The following MPDZ variants were observed in gnomAD, a reference collection of about 807,000 sequenced individuals.
The protein encoded by MPDZ is multiple PDZ domain crumbs cell polarity complex component, also known as multiple PDZ domain protein.
Under a neutral mutation model 239.1 loss-of-function variants are expected in MPDZ, and 234 were observed. The observed-to-expected ratio is 0.98, with a 90% CI of 0.88 to 1.09. The LOEUF is 1.09. Ranked by LOEUF, MPDZ falls within the 50% of genes least tolerant of loss-of-function variation. MPDZ has a pLI of 0.00. For synonymous variants in MPDZ, 1,048 were observed against 881.3 expected, an observed-to-expected ratio of 1.19 and a Z score of -3.35; for missense variants, 3,175 against 2,510.0, an observed-to-expected ratio of 1.26 and a Z score of -5.66.
chr9:13,208,461 T>TAA (rs1244672207), intron 10 of MPDZ, among the ~76,000 whole-genome samples: 1 of 136,582 alleles, frequency 7.3e-6, no homozygotes, highest in African/African-American at 2.7e-5. Context: ...AAATAAATAT[T>TAA]AAAAAAAAAA....
Position 13,175,997 on chromosome 9 carries a change from A to G in MPDZ, c.2932-122T>C, listed in dbSNP as rs1016826033. On this transcript the variant is annotated intron_variant, in intron 20 of 46. Transcript: ENST00000319217. ...CTTTATTTTGCAAGAACCTGCAACC[A>G]AAACAAGTTCATAGGTTGCCTTCTG... 3.5e-6 allele frequency: 5 copies of G among 1,415,770 alleles called. No individual in the cohort carries two copies. The Admixed American group carries it at 1.1e-4, about 31-fold the overall frequency. 87.7% of individuals were successfully genotyped at this position (1,415,770 alleles called of 1,614,324 possible).
intron 3 of MPDZ, among the ~76,000 whole-genome samples, chr9:13,239,730 A>AT (rs1299518120): frequency 2.0e-5 from 3 of 152,156 alleles, no homozygotes; most frequent in Admixed American, 2.0e-4. Context: ...GTATTTAAAG[A>AT]TGAATATGGC....
intron 21 of MPDZ, among the ~76,000 whole-genome samples, chr9:13,173,373 C>A (rs957373286): frequency 6.6e-6 from 1 of 152,046 alleles, no homozygotes; most frequent in Non-Finnish European, 1.5e-5. Context: ...TGAAGAAATG[C>A]TTTGACAAAA....
At chr9:13,213,582 G>A (rs76065022) in intron 10 of MPDZ, among the ~76,000 whole-genome samples, 273 of 152,100 alleles carry the variant, frequency 1.8e-3, no homozygotes, top group Non-Finnish European at 3.0e-3. Context: ...ATGTTCAAAA[G>A]CATTGCATGA....
chr9:13,243,015 T>A (rs1427677117), intron 3 of MPDZ, among the ~76,000 whole-genome samples: 1 of 152,174 alleles, frequency 6.6e-6, no homozygotes, highest in Non-Finnish European at 1.5e-5. Flanking sequence ...CTGTAAACAT[T>A]GCTCTCTCTA....
intron 17 of MPDZ, among the ~76,000 whole-genome samples, chr9:13,186,838 G>A (rs1044423049): frequency 8.5e-5 from 13 of 152,050 alleles, no homozygotes; most frequent in African/African-American, 1.2e-4. Context: ...ATCAACTTCT[G>A]TCATCCCTTA....
intron 3 of MPDZ, among the ~76,000 whole-genome samples, chr9:13,232,787 G>T (rs895245097): frequency 1.4e-5 from 2 of 145,054 alleles, no homozygotes; most frequent in Non-Finnish European, 3.0e-5. Context: ...ATCCAGCAAA[G>T]AAGTTGTATT....
Position 13,126,678 on chromosome 9 carries a change from A to T in MPDZ, c.4557+2T>A. 10 of 1,613,438 alleles carry T rather than the reference A, an allele frequency of 6.2e-6. No homozygotes were observed. Among genetic ancestry groups the T allele is most frequent in the Non-Finnish European group, 8.5e-6 (10 of 1,179,480 alleles). On this transcript the variant is annotated splice_donor_variant, in intron 33 of 46. Transcript: ENST00000319217. LOFTEE classifies it high-confidence loss of function. ...AATGACAGCAAGAAAGGTAAACCTC[A>T]CCGTGGCTGCTACCCCATGCTCTGT...
chr9:13,126,598 G>T lies in MPDZ; in HGVS notation c.4558-8C>A, dbSNP rs77381767. ...GACTTTGAGTCGTCCATCCTAAATGGAAACGTAGAAGAATTTGAGTGATAT... is the reference window on the plus strand; with the variant it reads ...GACTTTGAGTCGTCCATCCTAAATGTAAACGTAGAAGAATTTGAGTGATAT... On this transcript the variant is annotated splice_polypyrimidine_tract_variant and splice_region_variant and intron_variant, in intron 33 of 46. Transcript: ENST00000319217. 8.9e-4 allele frequency: 1,430 copies of T among 1,607,520 alleles called. 11 individuals carry two copies. In the African/African-American group the frequency reaches 0.016, roughly 19 times the overall value.
At chr9:13,276,583 G>GTCCTAAATTCAC (rs1385529020) in intron 1 of MPDZ, 1 of 152,162 alleles carries the variant, frequency 6.6e-6, no homozygotes, top group Non-Finnish European at 1.5e-5. Context: ...CCATCAAGCA[G>GTCCTAAATTCAC]TCCTAAATTC....
At chr9:13,156,175 T>C (rs1337192623) in intron 24 of MPDZ, among the ~76,000 whole-genome samples, 3 of 152,142 alleles carry the variant, frequency 2.0e-5, no homozygotes, top group Non-Finnish European at 4.4e-5. Flanking sequence ...TTCCCCCAAA[T>C]TCAAAAGATT....
At chr9:13,250,012 T>C (rs1324574067) in intron 2 of MPDZ, among the ~76,000 whole-genome samples, 1 of 152,202 alleles carries the variant, frequency 6.6e-6, no homozygotes, top group Non-Finnish European at 1.5e-5. Flanking sequence ...AGAATTAGGC[T>C]CATAAATCAG....
chr9:13,197,876 C>T (rs565408045), intron 12 of MPDZ, among the ~76,000 whole-genome samples: 2 of 152,092 alleles, frequency 1.3e-5, no homozygotes, highest in Non-Finnish European at 2.9e-5. Flanking sequence ...GTTTATTTCA[C>T]TTAACACAAT....
intron 26 of MPDZ, among the ~76,000 whole-genome samples, chr9:13,144,955 A>T (rs186484037): frequency 1.8e-4 from 28 of 152,220 alleles, no homozygotes; most frequent in Admixed American, 1.2e-3. Context: ...ATTATTTCTA[A>T]TCTCCATACA....
intron 3 of MPDZ, among the ~76,000 whole-genome samples, chr9:13,224,959 G>A (rs1960059187): frequency 6.6e-6 from 1 of 152,088 alleles, no homozygotes; most frequent in Non-Finnish European, 1.5e-5. Flanking sequence ...AATTTCCTGA[G>A]TGATGAGGTA....
chr9:13,246,369 G>A (rs1208108825), intron 3 of MPDZ, among the ~76,000 whole-genome samples: 1 of 152,178 alleles, frequency 6.6e-6, no homozygotes, highest in East Asian at 1.9e-4. Context: ...TTGAACCCAG[G>A]AGATAGAGGC....
Position 13,110,004 on chromosome 9 carries a change from T to G in MPDZ, c.5890A>C (p.Ser1964Arg). 6.2e-7 allele frequency: 1 copy of G among 1,613,448 alleles called. No individual in the cohort carries two copies. Among genetic ancestry groups the G allele is most frequent in the Non-Finnish European group, 8.5e-7 (1 of 1,179,738 alleles). Residue 1964 changes from serine (S) to arginine (R), a missense_variant, in exon 45 of 47, where the codon AGT becomes CGT. Coordinates refer to ENST00000319217, the MANE Select transcript of MPDZ (RefSeq NM_001378778.1). ...GACGTCAGCCCAGTGAAAGAAAGAC[T>G]GGAACTTGCAGGCTCCTGCTGATGA... Reference protein sequence around the residue: ...TGHQQEPASSSLSFTGLTSSS... With the variant: ...TGHQQEPASSRLSFTGLTSSS...
In MPDZ at chr9:13,126,754, T is replaced by C. The variant is rs1020686334; in HGVS notation, c.4483A>G (p.Ile1495Val). ...AGTGTATCTTCTTCGCTGATAGCAA[T>C]ACCCAAACCCCCCTGATCCTAGAAA... ...ELPKDQGGLG[I>V]AISEEDTLSG... The change falls in exon 33 of 47, where the codon ATT becomes GTT. Residue 1495 changes from isoleucine (I) to valine (V), a missense_variant. By Grantham distance (29) the Ile-to-Val change is conservative. Coordinates refer to ENST00000319217, the MANE Select transcript of MPDZ (RefSeq NM_001378778.1). 6.2e-7 allele frequency: 1 copy of C among 1,613,704 alleles called. No individual in the cohort carries two copies. The highest frequency in any genetic ancestry group is 1.7e-5 in the Admixed American group (1 of 59,990).
chr9:13,233,691 C>T (rs1209300667), intron 3 of MPDZ, among the ~76,000 whole-genome samples: 3 of 152,122 alleles, frequency 2.0e-5, no homozygotes, highest in Non-Finnish European at 4.4e-5. Flanking sequence ...AAAGCAAAAA[C>T]TCTGGGGCAT....
Sources: gnomAD v4.1 joint callset for allele counts (sites outside exome capture counted in the v4.1 genomes callset) on GRCh38, gnomAD v4.1.1 for gene constraint, MANE v1.5 for transcripts, NCBI Gene and HGNC (gene_info 2026-07-23, HGNC 2026-07-21) for gene names.